The following ADRA1A variants were observed in gnomAD, a reference collection of about 807,000 sequenced individuals.
The protein encoded by ADRA1A is adrenoceptor alpha 1A.
ADRA1A carries 31 observed loss-of-function variants against 29.6 expected under a neutral mutation model. That is an observed-to-expected ratio of 1.05 (90% CI 0.79 to 1.41). The LOEUF (loss-of-function observed/expected upper bound fraction) is 1.41. ADRA1A is among the 40% of genes most tolerant of loss of function. ADRA1A has a pLI of 0.00. For synonymous variants in ADRA1A, 311 were observed against 254.3 expected (o/e 1.22, Z -2.12); for missense variants, 619 against 601.1 (o/e 1.03, Z -0.31).
At chr8:26,791,770 G>A (rs950689301) in intron 2 of ADRA1A, among the ~76,000 whole-genome samples, 3 of 152,054 alleles carry the variant, frequency 2.0e-5, no homozygotes, top group African/African-American at 7.2e-5. Context: ...TTCTTGAGAT[G>A]TTCTTCCCTT....
chr8:26,851,576 CA>C (rs1284197809), intron 2 of ADRA1A, among the ~76,000 whole-genome samples: 1 of 152,038 alleles, frequency 6.6e-6, no homozygotes, highest in Non-Finnish European at 1.5e-5. Flanking sequence ...GTGAAGTACA[CA>C]AGCTGCTATA....
intron 2 of ADRA1A, among the ~76,000 whole-genome samples, chr8:26,784,256 C>G (rs73558278): frequency 6.6e-6 from 1 of 152,170 alleles, no homozygotes; most frequent in Non-Finnish European, 1.5e-5. Flanking sequence ...ATCCCTGGTA[C>G]CCGTTGTGAT....
chr8:26,800,231 C>T (rs574686008), intron 2 of ADRA1A, among the ~76,000 whole-genome samples: 1 of 152,078 alleles, frequency 6.6e-6, no homozygotes, highest in South Asian at 2.1e-4. Flanking sequence ...TGCACCCTAG[C>T]CTGGGTTACA....
At chr8:26,772,347 C>T (rs1320000878) in intron 2 of ADRA1A, among the ~76,000 whole-genome samples, 1 of 152,164 alleles carries the variant, frequency 6.6e-6, no homozygotes, top group African/African-American at 2.4e-5. Context: ...CCCAAACGTC[C>T]CTCTTCACTC....
chr8:26,749,282 A>T (rs1451079880), intron 2 of ADRA1A, among the ~76,000 whole-genome samples: 1 of 152,234 alleles, frequency 6.6e-6, no homozygotes, highest in African/African-American at 2.4e-5. Flanking sequence ...TAAGATAATC[A>T]GGGGCTGATG....
chr8:26,769,098 C>G lies in ADRA1A; in HGVS notation c.*1051G>C. On this transcript the variant is annotated 3_prime_UTR_variant, in exon 3 of 3. Transcript: ENST00000380573. ...CAACATGCCACAGGTGAAGCTCATTCATTATGCAATAGTGAAGCAGATAAG... is the reference window on the plus strand; with the variant it reads ...CAACATGCCACAGGTGAAGCTCATTGATTATGCAATAGTGAAGCAGATAAG... The G allele has an allele frequency of 1.0e-6, 1 of 985,406 alleles. No homozygotes were observed. Among genetic ancestry groups the G allele is most frequent in the Middle Eastern group, 5.2e-4 (1 of 1,914 alleles). The allele number at this position is 985,406 out of a possible 1,614,324, so 61.0% of individuals were successfully genotyped here.
At chr8:26,752,971 T>G (rs1447274514), downstream of ADRA1A, among the ~76,000 whole-genome samples, 1 of 152,200 alleles carries the variant, frequency 6.6e-6, no homozygotes, top group East Asian at 1.9e-4. Flanking sequence ...TGTTGAAACA[T>G]TGGCTTGAGA....
chr8:26,861,741 A>T (rs1301498420), intron 2 of ADRA1A, among the ~76,000 whole-genome samples: 4 of 152,096 alleles, frequency 2.6e-5, no homozygotes, highest in Non-Finnish European at 1.5e-5. Context: ...GAAGTGCATT[A>T]CTATTTACTC....
Position 26,867,044 on chromosome 8 carries a change from T to A in ADRA1A, c.-795A>T, listed in dbSNP as rs963321892. 1.0e-6 allele frequency: 1 copy of A among 985,156 alleles called. No individual in the cohort carries two copies. The highest frequency in any genetic ancestry group is 1.2e-6 in the Non-Finnish European group (1 of 829,964). The allele number at this position is 985,156 out of a possible 1,614,324, so 61.0% of individuals were successfully genotyped here. On this transcript the variant is annotated 5_prime_UTR_variant, in exon 1 of 3. Coordinates refer to ENST00000380573, the MANE Select transcript of ADRA1A (RefSeq NM_000680.4). ...CTCTGGAGGCGGAGAGGGGACCGTG[T>A]CTCCGAGGCACCAAATCCTTGTCCT...
At position 26,770,007 on chromosome 8, in the gene ADRA1A, G is replaced by A. The variant is rs1387247136; in HGVS notation, c.*142C>T. 1 of 1,453,748 alleles carries A rather than the reference G, an allele frequency of 6.9e-7. No individual in the cohort carries two copies. Among genetic ancestry groups the A allele is most frequent in the Non-Finnish European group, 9.0e-7 (1 of 1,107,378 alleles). 90.1% of individuals were successfully genotyped at this position (1,453,748 alleles called of 1,614,324 possible). On this transcript the variant is annotated 3_prime_UTR_variant, in exon 3 of 3. Transcript: ENST00000380573. ...CTGTGCCCTACCCGCTGCCTGATGAGTTGGGTCTACCACCCACCCCATTCC... is the reference window on the plus strand; with the variant it reads ...CTGTGCCCTACCCGCTGCCTGATGAATTGGGTCTACCACCCACCCCATTCC...
chr8:26,751,953 C>G (rs1413921408), downstream of ADRA1A, among the ~76,000 whole-genome samples: 3 of 152,144 alleles, frequency 2.0e-5, no homozygotes, highest in Non-Finnish European at 1.5e-5. Context: ...TGAGAGCTGA[C>G]TGTGCACACC....
chr8:26,845,176 G>A (rs547820361), intron 2 of ADRA1A, among the ~76,000 whole-genome samples: 7 of 152,074 alleles, frequency 4.6e-5, no homozygotes, highest in Admixed American at 4.6e-4. Flanking sequence ...GAAAATATTT[G>A]CAGATCAATT....
At chr8:26,799,908 A>G (rs1449139485) in intron 2 of ADRA1A, among the ~76,000 whole-genome samples, 2 of 152,196 alleles carry the variant, frequency 1.3e-5, no homozygotes, top group African/African-American at 2.4e-5. Context: ...TTGCCAATTC[A>G]ATGTGAAAAA....
chr8:26,836,455 C>T (rs750152616), intron 2 of ADRA1A, among the ~76,000 whole-genome samples: 6 of 152,112 alleles, frequency 3.9e-5, no homozygotes, highest in African/African-American at 1.4e-4. Flanking sequence ...TTATCTACAC[C>T]GTGAAGAGAA....
chr8:26,864,427 C>A lies in ADRA1A; in HGVS notation c.543G>T (p.Glu181Asp). The change falls in exon 2 of 3, where the codon GAG becomes GAT. Residue 181 changes from glutamate (E) to aspartate (D), a missense_variant. Glu to Asp is a conservative substitution (Grantham distance 45). Transcript: ENST00000380573. This position sits in a 1 kb window ranked among gnomAD's most constrained non-coding sequence, Gnocchi z 8.1. ...EDETICQINEEPGYVLFSALG... is the reference protein window; with the variant it reads ...EDETICQINEDPGYVLFSALG... Reference sequence around the variant, plus strand: ...GCGCTGAGAAGAGCACGTAGCCCGGCTCCTCGTTGATCTGGCAGATGGTCT... The same window carrying A: ...GCGCTGAGAAGAGCACGTAGCCCGGATCCTCGTTGATCTGGCAGATGGTCT... 6.2e-7 allele frequency: 1 copy of A among 1,613,582 alleles called. No individual in the cohort carries two copies. The highest frequency in any genetic ancestry group is 8.5e-7 in the Non-Finnish European group (1 of 1,180,044).
At chr8:26,748,635 C>T in exon 3 of ADRA1A, 1 of 403,620 alleles carries the variant, frequency 2.5e-6, no homozygotes, top group Non-Finnish European at 4.9e-6. Context: ...TCCCTGTAGT[C>T]CCAGCTGCTT....
chr8:26,821,858 C>CT lies in ADRA1A; in HGVS notation c.883+42228_883+42229insA. Among the ~76,000 whole-genome samples the CT allele has an allele frequency of 6.6e-6, 1 of 152,304 alleles. No individual in the cohort carries two copies. The highest frequency in any genetic ancestry group is 6.5e-5 in the Admixed American group (1 of 15,298). ...TAAATAGAGTCATACAGTATGCAAT[C>CT]ATTTTGGGATTGGCTTTTTCCACTT... On this transcript the variant is annotated intron_variant, in intron 2 of 2. Transcript: ENST00000380573. This position sits in a 1 kb window ranked among gnomAD's most constrained non-coding sequence, Gnocchi z 5.6.
At chr8:26,752,836 C>A (rs185123413), downstream of ADRA1A, among the ~76,000 whole-genome samples, 62 of 152,358 alleles carry the variant, frequency 4.1e-4, no homozygotes, top group Admixed American at 2.0e-3. Flanking sequence ...TGAGTGCTAA[C>A]TATACGGCAG....
At chr8:26,822,410 G>C (rs1171756337) in intron 2 of ADRA1A, among the ~76,000 whole-genome samples, 1 of 152,166 alleles carries the variant, frequency 6.6e-6, no homozygotes, top group South Asian at 2.1e-4. Flanking sequence ...ATGTGGCCAG[G>C]ATCATTGAGG....
Sources: allele counts gnomAD v4.1 joint callset (sites outside exome capture counted in the v4.1 genomes callset), GRCh38; gene constraint gnomAD v4.1.1; non-coding constraint Gnocchi (gnomAD v3.1); transcripts MANE v1.5; gene names NCBI Gene and HGNC (gene_info 2026-07-23, HGNC 2026-07-21).